The following EVI5 variants were observed in gnomAD, a reference collection of about 807,000 sequenced individuals.
EVI5 encodes ecotropic viral integration site 5.
Under a neutral mutation model 112.0 loss-of-function variants are expected in EVI5, and 73 were observed. The ratio of observed to expected loss-of-function variants is 0.65; its 90% CI spans 0.54 to 0.79. EVI5 has a LOEUF of 0.79. EVI5 is among the 30% of genes least tolerant of loss of function. The pLI is 0.00. For synonymous variants in EVI5, 305 were observed against 319.9 expected (o/e 0.95, Z 0.50); for missense variants, 900 against 968.8 (o/e 0.93, Z 0.94).
At chr1:92,673,784 C>A (rs1403509168) in intron 10 of EVI5, among the ~76,000 whole-genome samples, 1 of 152,126 alleles carries the variant, frequency 6.6e-6, no homozygotes, top group African/African-American at 2.4e-5. Flanking sequence ...CAAAATCTTC[C>A]TATAACACTT....
At chr1:92,760,975 A>G (rs1162810471) in intron 1 of EVI5, among the ~76,000 whole-genome samples, 17 of 141,640 alleles carry the variant, frequency 1.2e-4, no homozygotes, top group Admixed American at 1.5e-4. Context: ...GGAGAATGGC[A>G]TGAACCCGGG....
At chr1:92,745,489 T>C (rs1679124311) in intron 1 of EVI5, among the ~76,000 whole-genome samples, 1 of 152,176 alleles carries the variant, frequency 6.6e-6, no homozygotes, top group Non-Finnish European at 1.5e-5. Flanking sequence ...TTATAAACCA[T>C]TAGATGTACT....
chr1:92,586,300 TC>T (rs1672768089), intron 18 of EVI5, among the ~76,000 whole-genome samples: 1 of 152,146 alleles, frequency 6.6e-6, no homozygotes, highest in Non-Finnish European at 1.5e-5. Flanking sequence ...GATTTATACT[TC>T]CCCTCCTTGA....
chr1:92,734,430 A>G (rs780802018), intron 2 of EVI5, among the ~76,000 whole-genome samples: 6 of 152,086 alleles, frequency 3.9e-5, no homozygotes, highest in African/African-American at 7.2e-5. Flanking sequence ...TTCTATTGAC[A>G]CCCAGAAAAT....
chr1:92,526,527 G>C (rs1661912093), intron 19 of EVI5, among the ~76,000 whole-genome samples: 1 of 152,210 alleles, frequency 6.6e-6, no homozygotes, highest in Non-Finnish European at 1.5e-5. Flanking sequence ...ATTAGTGTAT[G>C]AGGGTGTTTG....
upstream of EVI5, among the ~76,000 whole-genome samples, chr1:92,788,504 A>AAC (rs1553278944): frequency 6.8e-6 from 1 of 146,254 alleles, no homozygotes; most frequent in Non-Finnish European, 1.5e-5. Context: ...AACAAAACAA[A>AAC]AAAAAAACTA....
intron 1 of EVI5, among the ~76,000 whole-genome samples, chr1:92,790,509 CTGGTTTTTTTTTT>C (rs886880587): frequency 2.1e-4 from 32 of 149,402 alleles, no homozygotes; most frequent in African/African-American, 6.0e-4. Flanking sequence ...ATGTTCAAAA[CTGGTTTTTTTTTT>C]TGGTTTTTTT....
rs572280775 is a variant in EVI5, at chr1:92,680,163, G to A, written c.1098-2945C>T. Reference sequence around the variant, plus strand: ...TGATTTGGATCACGCCACACCCAGCGTGTCAGTGGTTACTCATCACCTTCA... The same window carrying A: ...TGATTTGGATCACGCCACACCCAGCATGTCAGTGGTTACTCATCACCTTCA... On this transcript the variant is annotated intron_variant, in intron 9 of 19. Transcript: ENST00000684568. 1.1e-4 allele frequency among the ~76,000 whole-genome samples: 16 copies of A among 152,222 alleles called. No homozygotes were observed. In the South Asian group the frequency reaches 2.5e-3, roughly 24 times the overall value.
chr1:92,636,172 G>A (rs201727591), intron 14 of EVI5, 30 bp downstream of exon 14: 1 of 1,579,964 alleles, frequency 6.3e-7, no homozygotes, highest in Non-Finnish European at 8.6e-7. Flanking sequence ...CTCTAATTTG[G>A]GAATGACTGC....
rs553867007 is a variant in EVI5, at chr1:92,568,932, C to A, written c.2071-5195G>T. On this transcript the variant is annotated intron_variant, in intron 18 of 19. Coordinates refer to ENST00000684568, the MANE Select transcript of EVI5 (RefSeq NM_001350197.2). ...TAAGGCTTCTAGTCAAAAGTAAGCT[C>A]TTAGTAGTTAAGTTTTGGGGGAGTC... is the stretch of plus-strand genomic sequence containing the variant. Among the ~76,000 whole-genome samples the A allele has an allele frequency of 2.0e-5, 3 of 152,240 alleles. No homozygotes were observed. The East Asian group carries it at 5.8e-4, about 29-fold the overall frequency.
chr1:92,542,058 C>T (rs1239243971), intron 19 of EVI5, among the ~76,000 whole-genome samples: 1 of 152,150 alleles, frequency 6.6e-6, no homozygotes, highest in Non-Finnish European at 1.5e-5. Context: ...CTTCCTCACT[C>T]GGCCTTGCAT....
intron 2 of EVI5, among the ~76,000 whole-genome samples, chr1:92,712,136 C>T (rs1298958328): frequency 6.6e-6 from 1 of 152,126 alleles, no homozygotes; most frequent in Non-Finnish European, 1.5e-5. Context: ...AAGACCATAG[C>T]AAAACTACAT....
intron 19 of EVI5, among the ~76,000 whole-genome samples, chr1:92,554,398 C>T (rs575059309): frequency 6.6e-6 from 1 of 152,202 alleles, no homozygotes; most frequent in African/African-American, 2.4e-5. Context: ...CAGCTACGAA[C>T]TAGCTTTGTA....
At chr1:92,616,017 G>A (rs1653044106) in intron 16 of EVI5, among the ~76,000 whole-genome samples, 1 of 152,156 alleles carries the variant, frequency 6.6e-6, no homozygotes, top group South Asian at 2.1e-4. Flanking sequence ...TTGCAACTTG[G>A]GGAGTTAAAA....
chr1:92,540,753 C>T (rs968760157), intron 19 of EVI5, among the ~76,000 whole-genome samples: 36 of 152,106 alleles, frequency 2.4e-4, no homozygotes, highest in African/African-American at 7.0e-4. Flanking sequence ...TGAATTTTTC[C>T]GTAAGTCTCA....
intron 1 of EVI5, among the ~76,000 whole-genome samples, chr1:92,779,223 C>T (rs1340002011): frequency 6.6e-6 from 1 of 151,934 alleles, no homozygotes; most frequent in Non-Finnish European, 1.5e-5. Context: ...AGAAACTATG[C>T]AAGGAAAAGA....
chr1:92,714,140 C>A (rs1673259616), intron 2 of EVI5: 1 of 982,770 alleles, frequency 1.0e-6, no homozygotes, highest in Admixed American at 6.1e-5. Flanking sequence ...AGATCTTTGA[C>A]ATTACATTAA....
intron 1 of EVI5, among the ~76,000 whole-genome samples, chr1:92,745,096 T>A (rs2102880746): frequency 6.9e-6 from 1 of 145,108 alleles, no homozygotes; most frequent in South Asian, 2.1e-4. Flanking sequence ...CATGCCAGGC[T>A]AATTTTTTTT....
At chr1:92,684,790 G>T (rs1378704431) in intron 9 of EVI5, among the ~76,000 whole-genome samples, 1 of 151,428 alleles carries the variant, frequency 6.6e-6, no homozygotes, top group South Asian at 2.1e-4. Flanking sequence ...AACCAACAAA[G>T]ATAAAAACAG....
Sources: gnomAD v4.1 joint callset for allele counts (sites outside exome capture counted in the v4.1 genomes callset) on GRCh38, gnomAD v4.1.1 for gene constraint, MANE v1.5 for transcripts, NCBI Gene and HGNC (gene_info 2026-07-23, HGNC 2026-07-21) for gene names.